The following IKZF3 variants were observed in gnomAD, a reference collection of about 807,000 sequenced individuals.
IKZF3 encodes the protein zinc finger protein Aiolos.
Under a neutral mutation model 49.0 loss-of-function variants are expected in IKZF3, and 10 were observed. The observed-to-expected ratio is 0.20, with a 90% CI of 0.13 to 0.35. The LOEUF (loss-of-function observed/expected upper bound fraction) is 0.35. Among genes scored for constraint, IKZF3 ranks in the 10% least tolerant of loss-of-function variants. The probability of loss-of-function intolerance (pLI) is 1.00; values close to 1 mark genes in which losing one functional copy is unlikely to be tolerated. For synonymous variants in IKZF3, 209 were observed against 228.2 expected (o/e 0.92, Z 0.76); for missense variants, 498 against 664.8 (o/e 0.75, Z 2.76).
intron 7 of IKZF3, among the ~76,000 whole-genome samples, chr17:39,777,118 C>T (rs2060610340): frequency 6.6e-6 from 1 of 152,140 alleles, no homozygotes; most frequent in Non-Finnish European, 1.5e-5. Flanking sequence ...AAACCAATGG[C>T]ATAAAAATGA....
chr17:39,822,906 G>A (rs1012119320), intron 3 of IKZF3, among the ~76,000 whole-genome samples: 2 of 152,118 alleles, frequency 1.3e-5, no homozygotes, highest in Admixed American at 6.6e-5. Context: ...AGCAGTGTGA[G>A]AGTGGACTAA....
intron 5 of IKZF3, among the ~76,000 whole-genome samples, 184 bp downstream of exon 5, chr17:39,791,232 G>C (rs1376508814): frequency 6.6e-6 from 1 of 152,154 alleles, no homozygotes; most frequent in Non-Finnish European, 1.5e-5. Flanking sequence ...CATCTCCACT[G>C]AGGCAGACGG....
At chr17:39,808,496 C>A (rs2061482877) in intron 3 of IKZF3, among the ~76,000 whole-genome samples, 1 of 152,144 alleles carries the variant, frequency 6.6e-6, no homozygotes, top group African/African-American at 2.4e-5. Flanking sequence ...GGATATATTA[C>A]TTCTTTGTTA....
intron 3 of IKZF3, among the ~76,000 whole-genome samples, chr17:39,799,148 T>C (rs954300819): frequency 6.6e-6 from 1 of 152,102 alleles, no homozygotes; most frequent in Non-Finnish European, 1.5e-5. Context: ...ACTGGAAATG[T>C]TCATTTAAAA....
intron 3 of IKZF3, among the ~76,000 whole-genome samples, chr17:39,822,185 C>A (rs1214802988): frequency 6.6e-6 from 1 of 152,186 alleles, no homozygotes; most frequent in African/African-American, 2.4e-5. Context: ...CATATGCAAG[C>A]CATGTGGAAC....
At chr17:39,856,287 T>A (rs891551071) in intron 1 of IKZF3, among the ~76,000 whole-genome samples, 1 of 152,074 alleles carries the variant, frequency 6.6e-6, no homozygotes, top group Admixed American at 6.5e-5. Flanking sequence ...TAATATTCTT[T>A]TTTATTTATT....
chr17:39,831,346 C>T (rs746958394), intron 2 of IKZF3, among the ~76,000 whole-genome samples: 79 of 151,794 alleles, frequency 5.2e-4, no homozygotes, highest in Non-Finnish European at 1.1e-3. Context: ...CGTACTTCAG[C>T]CTGGGCAACA....
At chr17:39,846,185 TA>T (rs963271605) in intron 1 of IKZF3, among the ~76,000 whole-genome samples, 1 of 152,202 alleles carries the variant, frequency 6.6e-6, no homozygotes, top group African/African-American at 2.4e-5. Context: ...CCTTATCTCT[TA>T]AATAACACAT....
In IKZF3 at chr17:39,827,873, AT is replaced by A. The variant is rs2062000028; in HGVS notation, c.163+1513del. ...AGGTATAGGTGTGAAGGGTTGGTTT[AT>A]GCATTTGCACAAGTGTGAGGTCACA... On this transcript the variant is annotated intron_variant, in intron 3 of 7. Coordinates refer to ENST00000346872, the MANE Select transcript of IKZF3 (RefSeq NM_012481.5). Among the ~76,000 whole-genome samples the A allele has an allele frequency of 2.0e-5, 3 of 152,368 alleles. No individual in the cohort carries two copies. In the South Asian group the frequency reaches 6.2e-4, roughly 32 times the overall value.
chr17:39,855,534 G>A (rs897759293), intron 1 of IKZF3, among the ~76,000 whole-genome samples: 7 of 152,174 alleles, frequency 4.6e-5, no homozygotes, highest in African/African-American at 1.7e-4. Flanking sequence ...GTTTGCAATG[G>A]ATATCTATAG....
chr17:39,789,432 G>A (rs1270712175), intron 5 of IKZF3, among the ~76,000 whole-genome samples: 3 of 152,142 alleles, frequency 2.0e-5, no homozygotes, highest in East Asian at 1.9e-4. Flanking sequence ...GCGTGATGGC[G>A]TGACCCTTTA....
At chr17:39,855,737 C>T (rs758748638) in intron 1 of IKZF3, among the ~76,000 whole-genome samples, 1 of 152,086 alleles carries the variant, frequency 6.6e-6, no homozygotes, top group African/African-American at 2.4e-5. Flanking sequence ...GGCAGGAGTG[C>T]TTCACCTTAT....
At chr17:39,771,961 C>T (rs911856671) in intron 7 of IKZF3, among the ~76,000 whole-genome samples, 4 of 151,534 alleles carry the variant, frequency 2.6e-5, no homozygotes, top group Admixed American at 6.6e-5. Flanking sequence ...TTGCTTGGGC[C>T]GGTCTCAAAT....
intron 6 of IKZF3, among the ~76,000 whole-genome samples, chr17:39,781,444 G>A (rs1196053078): frequency 6.6e-6 from 1 of 152,080 alleles, no homozygotes; most frequent in Non-Finnish European, 1.5e-5. Flanking sequence ...AAGATTTATA[G>A]GGAAAAAAAG....
Position 39,831,932 on chromosome 17 carries a change from T to G in IKZF3, c.61+166A>C, listed in dbSNP as rs549671473. On this transcript the variant is annotated intron_variant, in intron 2 of 7. Transcript: ENST00000346872. ...AAGATGCTAAAGAACTTACATGATC[T>G]AAATGGATGAGTTATTTTTTCATCA... 2.0e-5 allele frequency among the ~76,000 whole-genome samples: 3 copies of G among 152,248 alleles called. No individual in the cohort carries two copies. In the East Asian group the frequency reaches 5.8e-4, roughly 29 times the overall value.
At chr17:39,787,850 G>A (rs2060910199) in intron 6 of IKZF3, among the ~76,000 whole-genome samples, 1 of 152,190 alleles carries the variant, frequency 6.6e-6, no homozygotes, top group Non-Finnish European at 1.5e-5. Context: ...GGCCTGCAAG[G>A]CCTGAGAAGA....
At chr17:39,854,089 G>A (rs2062967232) in intron 1 of IKZF3, among the ~76,000 whole-genome samples, 1 of 152,290 alleles carries the variant, frequency 6.6e-6, no homozygotes, top group South Asian at 2.1e-4. Context: ...TCACGCCACT[G>A]CATTCCGGCC....
intron 6 of IKZF3, among the ~76,000 whole-genome samples, chr17:39,785,456 T>C (rs922977844): frequency 6.6e-6 from 1 of 152,176 alleles, no homozygotes. Flanking sequence ...GCAAATTAAC[T>C]CAACCTCTGT....
At chr17:39,838,832 T>G (rs919926208) in intron 1 of IKZF3, among the ~76,000 whole-genome samples, 1 of 152,184 alleles carries the variant, frequency 6.6e-6, no homozygotes, top group African/African-American at 2.4e-5. Flanking sequence ...GTAGGAATCT[T>G]TGTTTTACTT....
Sources: gnomAD v4.1 joint callset for allele counts (sites outside exome capture counted in the v4.1 genomes callset) on GRCh38, gnomAD v4.1.1 for gene constraint, MANE v1.5 for transcripts, NCBI Gene and HGNC (gene_info 2026-07-23, HGNC 2026-07-21) for gene names.